ULK4: variants seen among roughly 807,000 people sequenced by gnomAD.
ULK4 encodes inactive serine/threonine-protein kinase ULK4.
ULK4 carries 133 observed loss-of-function variants against 160.6 expected under a neutral mutation model. That is an observed-to-expected ratio of 0.83 (90% CI 0.72 to 0.96). ULK4 has a LOEUF of 0.96. ULK4 is among the 40% of genes least tolerant of loss of function. ULK4 has a pLI of 0.00. For synonymous variants in ULK4, 534 were observed against 539.8 expected (o/e 0.99, Z 0.15); for missense variants, 1,580 against 1,499.5 (o/e 1.05, Z -0.89).
At chr3:41,780,236 A>AG in intron 21 of ULK4, among the ~76,000 whole-genome samples, 1 of 152,162 alleles carries the variant, frequency 6.6e-6, no homozygotes, top group East Asian at 1.9e-4. Context: ...TGAGCCCAGG[A>AG]GGCAGCGGTT....
At chr3:41,543,192 T>C (rs2086752332) in intron 32 of ULK4, among the ~76,000 whole-genome samples, 1 of 152,054 alleles carries the variant, frequency 6.6e-6, no homozygotes, top group South Asian at 2.1e-4. Flanking sequence ...AAAGTGTCTA[T>C]AGTGGTGCTT....
chr3:41,646,290 A>G (rs2034485136), intron 30 of ULK4, among the ~76,000 whole-genome samples: 1 of 152,178 alleles, frequency 6.6e-6, no homozygotes, highest in South Asian at 2.1e-4. Context: ...CCTAGTCTCA[A>G]TGATCTTTAC....
chr3:41,296,775 C>A (rs1441403740), intron 35 of ULK4, among the ~76,000 whole-genome samples: 1 of 151,846 alleles, frequency 6.6e-6, no homozygotes, highest in Non-Finnish European at 1.5e-5. Context: ...CTGCAGAAGG[C>A]CTTGAGTCCA....
intron 16 of ULK4, among the ~76,000 whole-genome samples, chr3:41,894,921 C>T (rs1165450664): frequency 6.6e-6 from 1 of 152,172 alleles, no homozygotes; most frequent in African/African-American, 2.4e-5. Flanking sequence ...TGGTATGTTG[C>T]TTCTGTAAAA....
chr3:41,421,458 A>T (rs1307432892), intron 34 of ULK4, among the ~76,000 whole-genome samples: 1 of 152,158 alleles, frequency 6.6e-6, no homozygotes, highest in Admixed American at 6.5e-5. Context: ...TGTTTGGGAG[A>T]CTCACTCTAT....
intron 34 of ULK4, among the ~76,000 whole-genome samples, chr3:41,401,133 AT>A (rs1308659429): frequency 6.6e-6 from 1 of 152,084 alleles, no homozygotes; most frequent in Admixed American, 6.6e-5. Flanking sequence ...AAAAAAGTTA[AT>A]TTTGATGAAG....
chr3:41,914,677 G>A (rs1198979547), intron 8 of ULK4: 1 of 152,126 alleles, frequency 6.6e-6, no homozygotes, highest in African/African-American at 2.4e-5. Context: ...CATTCTAAAC[G>A]TTTACTTTTT....
At chr3:41,300,158 A>G (rs930994794) in intron 35 of ULK4, among the ~76,000 whole-genome samples, 4 of 152,204 alleles carry the variant, frequency 2.6e-5, no homozygotes, top group African/African-American at 4.8e-5. Flanking sequence ...AAATGAGAGC[A>G]TTGGTTACAT....
In ULK4 at chr3:41,246,902, G is replaced by A; in HGVS notation, c.*27C>T. On this transcript the variant is annotated 3_prime_UTR_variant, in exon 37 of 37. Coordinates refer to ENST00000301831, the MANE Select transcript of ULK4 (RefSeq NM_017886.4). ...TGCATCCGAGGGCTGGGGCCACAGG[G>A]CGGGCTTGTGCTAAGCACCTTCTTG... 1 of 1,611,246 alleles carries A rather than the reference G, an allele frequency of 6.2e-7. No individual in the cohort carries two copies. Among genetic ancestry groups the A allele is most frequent in the Non-Finnish European group, 8.5e-7 (1 of 1,178,968 alleles).
intron 2 of ULK4, among the ~76,000 whole-genome samples, chr3:41,950,848 TAAAAGACATA>T (rs1363863887): frequency 6.6e-6 from 1 of 151,558 alleles, no homozygotes; most frequent in Non-Finnish European, 1.5e-5. Context: ...AAGAAATTTT[TAAAAGACATA>T]AATAGGCTGG....
chr3:41,875,418 A>C (rs560402033), intron 17 of ULK4, among the ~76,000 whole-genome samples: 1 of 152,228 alleles, frequency 6.6e-6, no homozygotes, highest in East Asian at 1.9e-4. Context: ...TTTTTTAAAA[A>C]TTAAAAAGGC....
intron 32 of ULK4, among the ~76,000 whole-genome samples, chr3:41,512,707 A>C (rs534340280): frequency 6.6e-6 from 1 of 152,206 alleles, no homozygotes; most frequent in African/African-American, 2.4e-5. Flanking sequence ...GCCAAAAGCA[A>C]TCTATAAATT....
rs138498229 is a variant in ULK4 at position 41,958,580 on chromosome 3, C to T, written c.-49+3436G>A. Among the ~76,000 whole-genome samples the T allele has an allele frequency of 2.7e-3, 406 of 151,018 alleles. 6 individuals carry two copies. Among genetic ancestry groups the T allele is most frequent in the African/African-American group, 9.4e-3 (386 of 41,120 alleles). ...AAAAAAAATTATCCAGGAATGGTGGCGCGCACCTGTAATCCCAGCTACTCA... is the reference window on the plus strand; with the variant it reads ...AAAAAAAATTATCCAGGAATGGTGGTGCGCACCTGTAATCCCAGCTACTCA... On this transcript the variant is annotated intron_variant, in intron 1 of 36. Transcript: ENST00000301831.
At chr3:41,847,533 C>A (rs546434338) in intron 17 of ULK4, among the ~76,000 whole-genome samples, 1 of 152,274 alleles carries the variant, frequency 6.6e-6, no homozygotes, top group South Asian at 2.1e-4. Context: ...AACAACAACA[C>A]AACTTTTAAA....
intron 31 of ULK4, among the ~76,000 whole-genome samples, chr3:41,586,190 T>C (rs1167081903): frequency 3.3e-5 from 5 of 152,216 alleles, no homozygotes; most frequent in Non-Finnish European, 7.4e-5. Flanking sequence ...AAAGAGAGAA[T>C]TGCCCATTCA....
chr3:41,827,475 C>T (rs181761180), intron 18 of ULK4, among the ~76,000 whole-genome samples: 2,205 of 152,054 alleles, frequency 0.015, 57 homozygotes, highest in African/African-American at 0.05. Flanking sequence ...ATATCACCAC[C>T]GATCCCACAG....
chr3:41,649,137 A>C (rs1036434227), intron 30 of ULK4, among the ~76,000 whole-genome samples: 5 of 152,020 alleles, frequency 3.3e-5, no homozygotes, highest in Non-Finnish European at 5.9e-5. Context: ...CCAAAACAAA[A>C]AAAAAAAAGC....
At chr3:41,955,129 A>C (rs559641166) in intron 1 of ULK4, among the ~76,000 whole-genome samples, 1 of 152,210 alleles carries the variant, frequency 6.6e-6, no homozygotes, top group Non-Finnish European at 1.5e-5. Context: ...GTCTCTACTA[A>C]AAATACAAAA....
At chr3:41,663,985 T>C (rs772721183) in intron 29 of ULK4, among the ~76,000 whole-genome samples, 21 of 152,226 alleles carry the variant, frequency 1.4e-4, no homozygotes, top group Admixed American at 3.9e-4. Context: ...TAATATACCA[T>C]AAGGTACAAG....
Sources: gnomAD v4.1 joint callset for allele counts (sites outside exome capture counted in the v4.1 genomes callset) on GRCh38, gnomAD v4.1.1 for gene constraint, MANE v1.5 for transcripts, NCBI Gene and HGNC (gene_info 2026-07-23, HGNC 2026-07-21) for gene names.